ATAD2B: variants seen among roughly 807,000 people sequenced by gnomAD.
ATAD2B encodes ATPase family AAA domain containing 2B.
Under a neutral mutation model 167.6 loss-of-function variants are expected in ATAD2B, and 40 were observed. That is an observed-to-expected ratio of 0.24 (90% CI 0.19 to 0.31). The LOEUF is 0.31. Ranked by LOEUF, ATAD2B falls within the 10% of genes least tolerant of loss-of-function variation. The pLI, the probability that ATAD2B is intolerant of heterozygous loss-of-function variation, is 1.00. For missense variants in ATAD2B, 1,242 were observed against 1,757.2 expected, an observed-to-expected ratio of 0.71 and a Z score of 5.24; for synonymous variants, 579 against 596.5, an observed-to-expected ratio of 0.97 and a Z score of 0.43.
the ATAD2B span, among the ~76,000 whole-genome samples, chr2:23,740,250 A>T: frequency 6.6e-6 from 1 of 152,226 alleles, no homozygotes. Context: ...CACAACCAAA[A>T]AAGAGAATTT....
intron 1 of ATAD2B, among the ~76,000 whole-genome samples, chr2:23,903,481 A>G (rs1178935511): frequency 6.6e-6 from 1 of 152,162 alleles, no homozygotes; most frequent in Non-Finnish European, 1.5e-5. Context: ...TTGAATAGAT[A>G]ACTTTTTTCA....
the ATAD2B span, among the ~76,000 whole-genome samples, chr2:23,695,181 C>T: frequency 2.0e-5 from 3 of 152,086 alleles, no homozygotes; most frequent in African/African-American, 7.2e-5. This position sits in a 1 kb window ranked among gnomAD's most constrained non-coding sequence, Gnocchi z 7.6. Context: ...GCTCAATAGT[C>T]GCCATCTCCT....
intron 22 of ATAD2B, among the ~76,000 whole-genome samples, chr2:23,778,070 C>T (rs1679434281): frequency 6.6e-6 from 1 of 151,962 alleles, no homozygotes; most frequent in Admixed American, 6.6e-5. Context: ...TTTCCACTTG[C>T]TACACAACAC....
At chr2:23,922,264 A>G (rs1704044002) in intron 1 of ATAD2B, among the ~76,000 whole-genome samples, 1 of 152,202 alleles carries the variant, frequency 6.6e-6, no homozygotes, top group African/African-American at 2.4e-5. Context: ...AGTTTTGTGA[A>G]TACAGTATTA....
chr2:23,833,823 T>C (rs1689454289), intron 14 of ATAD2B, 96 bp downstream of exon 14: 4 of 1,021,532 alleles, frequency 3.9e-6, no homozygotes, highest in Non-Finnish European at 5.5e-6. Context: ...GCAGAAAATC[T>C]GAACAATGAA....
intron 12 of ATAD2B, among the ~76,000 whole-genome samples, chr2:23,860,761 A>G (rs976448401): frequency 6.6e-6 from 1 of 152,200 alleles, no homozygotes; most frequent in African/African-American, 2.4e-5. Context: ...ACCTGAGGTC[A>G]GGAGTTCCAG....
chr2:23,699,217 G>GTT, the ATAD2B span, among the ~76,000 whole-genome samples: 1 of 152,192 alleles, frequency 6.6e-6, no homozygotes, highest in African/African-American at 2.4e-5. Context: ...CTGTGACTGA[G>GTT]TTATGACTGG....
At chr2:23,767,127 G>GATTACCTGCTCTACCCTGACTCATTCCA (rs1217415396) in intron 22 of ATAD2B, among the ~76,000 whole-genome samples, 1 of 151,798 alleles carries the variant, frequency 6.6e-6, no homozygotes, top group Admixed American at 6.6e-5. Context: ...AACCTTTTTC[G>GATTACCTGCTCTACCCTGACTCATTCCA]ATTACCTGCT....
intron 15 of ATAD2B, among the ~76,000 whole-genome samples, chr2:23,825,558 G>C (rs1213321249): frequency 6.6e-6 from 1 of 152,030 alleles, no homozygotes; most frequent in Non-Finnish European, 1.5e-5. Context: ...ATAATGTATA[G>C]AACACTAGCT....
At chr2:23,779,745 TATTA>T (rs1313688526) in intron 22 of ATAD2B, among the ~76,000 whole-genome samples, 3 of 152,148 alleles carry the variant, frequency 2.0e-5, no homozygotes, top group African/African-American at 4.8e-5. Context: ...TGGAGAAATA[TATTA>T]ATTAATAAGC....
chr2:23,731,270 C>T, the ATAD2B span, among the ~76,000 whole-genome samples: 2 of 152,122 alleles, frequency 1.3e-5, no homozygotes, highest in African/African-American at 4.8e-5. Flanking sequence ...CTTACCTTTC[C>T]TATGTGACTT....
intron 15 of ATAD2B, among the ~76,000 whole-genome samples, chr2:23,826,434 A>G (rs1337041939): frequency 6.6e-6 from 1 of 152,160 alleles, no homozygotes; most frequent in African/African-American, 2.4e-5. Flanking sequence ...TAGGCGTTAA[A>G]AGTTAATATT....
At chr2:23,911,494 G>T (rs1702293352) in intron 1 of ATAD2B, among the ~76,000 whole-genome samples, 1 of 151,900 alleles carries the variant, frequency 6.6e-6, no homozygotes. Flanking sequence ...GGTCAAGGCT[G>T]CAGTGAGCCT....
At chr2:23,865,902 T>A in intron 10 of ATAD2B, 3 of 769,650 alleles carry the variant, frequency 3.9e-6, no homozygotes, top group Non-Finnish European at 4.7e-6. Context: ...AGACAAAAAA[T>A]GCTTTAAGAA....
chr2:23,713,553 C>A, the ATAD2B span, among the ~76,000 whole-genome samples: 1 of 152,050 alleles, frequency 6.6e-6, no homozygotes, highest in African/African-American at 2.4e-5. Context: ...AAACCTGTAC[C>A]CATTAGCATA....
At chr2:23,744,966 TCTA>T (rs1674747694), downstream of ATAD2B, among the ~76,000 whole-genome samples, 1 of 152,198 alleles carries the variant, frequency 6.6e-6, no homozygotes, top group African/African-American at 2.4e-5. Context: ...TCTGTGGTAT[TCTA>T]CTATTTAAAA....
the ATAD2B span, among the ~76,000 whole-genome samples, chr2:23,739,329 A>G: frequency 6.6e-6 from 1 of 152,088 alleles, no homozygotes; most frequent in Admixed American, 6.6e-5. Context: ...ATGTAAAAGA[A>G]CAGAAATTAT....
At position 23,750,874 on chromosome 2, in the gene ATAD2B, T is replaced by C. The variant is rs1304217656; in HGVS notation, c.*1172A>G. 3 of 152,096 alleles carry C rather than the reference T, an allele frequency of 2.0e-5. No homozygotes were observed. The highest frequency in any genetic ancestry group is 7.2e-5 in the African/African-American group (3 of 41,422). The allele number at this position is 152,096 out of a possible 1,614,324, so 9.4% of individuals were successfully genotyped here. A position where few individuals can be genotyped will look rare whatever the true frequency, so the allele number is the denominator to read the frequency against. On this transcript the variant is annotated 3_prime_UTR_variant, in exon 28 of 28. Coordinates refer to ENST00000238789, the MANE Select transcript of ATAD2B (RefSeq NM_017552.4). ...GGTTTCCAATCAAAAAGAAGAGTTG[T>C]GAAGGTAAGCTTAGGAGATGGGATT...
intron 19 of ATAD2B, 31 bp from the exon 20 acceptor site, chr2:23,788,678 AATAT>A (rs771142146): frequency 6.7e-7 from 1 of 1,497,616 alleles, no homozygotes. Context: ...AAAGACATTA[AATAT>A]ATAAAGAATT....
Sources: gnomAD v4.1 joint callset for allele counts (sites outside exome capture counted in the v4.1 genomes callset) on GRCh38, gnomAD v4.1.1 for gene constraint, Gnocchi (gnomAD v3.1) non-coding constraint, MANE v1.5 for transcripts, NCBI Gene and HGNC (gene_info 2026-07-23, HGNC 2026-07-21) for gene names.